Variants in WNT2B observed in about 807,000 individuals in gnomAD.
The protein encoded by WNT2B is Wnt family member 2B.
WNT2B carries 19 observed loss-of-function variants against 40.5 expected under a neutral mutation model. That is an observed-to-expected ratio of 0.47 (90% CI 0.33 to 0.69). The LOEUF is 0.69. WNT2B is among the 30% of genes least tolerant of loss of function. The pLI is 0.02. For synonymous variants in WNT2B, 220 were observed against 211.9 expected, an observed-to-expected ratio of 1.04 and a Z score of -0.33; for missense variants, 467 against 556.4, an observed-to-expected ratio of 0.84 and a Z score of 1.62.
intron 1 of WNT2B, among the ~76,000 whole-genome samples, chr1:112,472,426 T>A (rs1289751908): frequency 1.3e-5 from 2 of 152,156 alleles, no homozygotes; most frequent in East Asian, 1.9e-4. Flanking sequence ...GTAGTTTCTG[T>A]TCTCATTAGC....
In WNT2B at chr1:112,509,425, C is replaced by A. The variant is rs778460573; in HGVS notation, c.163C>A (p.Arg55Ser). The change falls in exon 1 of 5, where the codon CGC (arginine) becomes AGC (serine). Residue 55 changes from arginine to serine, a missense_variant. Physicochemically the swap from Arg to Ser is moderately radical, Grantham distance 110. Transcript: ENST00000369684. This position sits in a 1 kb window ranked among gnomAD's most constrained non-coding sequence, Gnocchi z 4.2. ...LLLLLLTLPA[R>S]VDTSWWYIGA... The stretch of plus-strand genomic sequence containing the variant: ...CCTGCTGCTGCTGACGCTGCCGGCC[C>A]GCGTAGACACGTCCTGGTGGTAAGT... The A allele has an allele frequency of 6.3e-7, 1 of 1,591,738 alleles. No homozygotes were observed. The highest frequency in any genetic ancestry group is 1.1e-5 in the South Asian group (1 of 89,764).
At chr1:112,477,354 C>CA (rs1651083582) in intron 1 of WNT2B, among the ~76,000 whole-genome samples, 1 of 152,194 alleles carries the variant, frequency 6.6e-6, no homozygotes, top group African/African-American at 2.4e-5. Context: ...ACACCCAACT[C>CA]AGACAGCATC....
Position 112,509,274 on chromosome 1 carries a change from G to C in WNT2B, c.12G>C (p.Pro4=), listed in dbSNP as rs1373477882. The change falls in exon 1 of 5, where the codon CCG becomes CCC. Residue 4 remains proline, a synonymous_variant. Transcript: ENST00000369684. This position sits in a 1 kb window ranked among gnomAD's most constrained non-coding sequence, Gnocchi z 4.2. MLR[P]GGAEEAAQLP... is the part of the protein sequence containing the mutation. ...GTCTTCGGGGAGCTATGCTGAGACC[G>C]GGTGGTGCGGAGGAAGCTGCGCAGC... 6 of 1,533,886 alleles carry C rather than the reference G, an allele frequency of 3.9e-6. No individual in the cohort carries two copies. In the African/African-American group the frequency reaches 4.2e-5, roughly 11 times the overall value.
At position 112,520,304 on chromosome 1, in the gene WNT2B, T is replaced by C; in HGVS notation, c.971T>C (p.Val324Ala). The change falls in exon 5 of 5, where the codon GTC (valine) becomes GCC (alanine). Residue 324 changes from valine (V) to alanine (A), a missense_variant. By Grantham distance (64) the Val-to-Ala change is moderately conservative (BLOSUM62 0). Coordinates refer to ENST00000369684, the MANE Select transcript of WNT2B (RefSeq NM_024494.3). ...AAGSLGTAGR[V>A]CSKTSKGTDG... The stretch of plus-strand genomic sequence containing the variant: ...GGTTCCCTAGGCACTGCAGGCCGTG[T>C]CTGCAGCAAGACATCAAAAGGAACA... 2 of 1,614,164 alleles carry C rather than the reference T, an allele frequency of 1.2e-6. No individual in the cohort carries two copies. Among genetic ancestry groups the C allele is most frequent in the South Asian group, 2.2e-5 (2 of 91,066 alleles).
chr1:112,490,976 T>A (rs754275874), intron 1 of WNT2B: 1 of 1,597,656 alleles, frequency 6.3e-7, no homozygotes, highest in Non-Finnish European at 8.6e-7. Context: ...GCATTTATTA[T>A]GTTAAATTGC....
At chr1:112,495,359 G>A (rs1021892257) in intron 1 of WNT2B, among the ~76,000 whole-genome samples, 7 of 151,952 alleles carry the variant, frequency 4.6e-5, no homozygotes, top group African/African-American at 1.7e-4. Context: ...GGCAGATCAC[G>A]AGGTCAGGAG....
chr1:112,484,810 A>T (rs1651364479), intron 1 of WNT2B, among the ~76,000 whole-genome samples: 1 of 152,142 alleles, frequency 6.6e-6, no homozygotes, highest in Non-Finnish European at 1.5e-5. Flanking sequence ...AATACTATTT[A>T]TAATAGCATC....
chr1:112,472,176 T>A (rs1650900925), intron 1 of WNT2B, among the ~76,000 whole-genome samples: 1 of 152,168 alleles, frequency 6.6e-6, no homozygotes, highest in Admixed American at 6.5e-5. Context: ...GAAGGAGAAT[T>A]CCAGGCATGG....
chr1:112,521,407 T>C lies in WNT2B; in HGVS notation c.*898T>C, dbSNP rs1652874755. On this transcript the variant is annotated 3_prime_UTR_variant, in exon 5 of 5. Coordinates refer to ENST00000369684, the MANE Select transcript of WNT2B (RefSeq NM_024494.3). ...GGGGAGACATGGAGTAAAAGAAAGA[T>C]AGGCAACTCATGGATGGTGGGAGAG... The C allele has an allele frequency of 6.7e-6, 1 of 149,130 alleles. No individual in the cohort carries two copies. The highest frequency in any genetic ancestry group is 1.5e-5 in the Non-Finnish European group (1 of 67,680). 9.2% of individuals were successfully genotyped at this position (149,130 alleles called of 1,614,324 possible).
rs1323062193 is a variant in WNT2B, at chr1:112,522,405, G to C, written c.*1896G>C. ...TTCACCAAAGCCCCTGGCTGGTCTA[G>C]CCCATCATGACTTCTCTAGGAACAG... On this transcript the variant is annotated 3_prime_UTR_variant, in exon 5 of 5. Transcript: ENST00000369684. 6.6e-6 allele frequency: 1 copy of C among 152,108 alleles called. No homozygotes were observed. The highest frequency in any genetic ancestry group is 2.4e-5 in the African/African-American group (1 of 41,436). The allele number at this position is 152,108 out of a possible 1,614,324, so 9.4% of individuals were successfully genotyped here. A position where few individuals can be genotyped will look rare whatever the true frequency, so the allele number is the denominator to read the frequency against.
intron 1 of WNT2B, among the ~76,000 whole-genome samples, chr1:112,480,270 G>A (rs1651184523): frequency 6.6e-6 from 1 of 150,982 alleles, no homozygotes; most frequent in African/African-American, 2.4e-5. Context: ...GGGAGGCTGA[G>A]GCAGGAGAAT....
rs753409857 is a variant in WNT2B at position 112,524,306 on chromosome 1, T to C, written c.*3797T>C. The C allele has an allele frequency of 2.6e-5, 4 of 152,706 alleles. No individual in the cohort carries two copies. The highest frequency in any genetic ancestry group is 6.5e-5 in the Admixed American group (1 of 15,294). 9.5% of individuals were successfully genotyped at this position (152,706 alleles called of 1,614,324 possible). A position where few individuals can be genotyped will look rare whatever the true frequency, so the allele number is the denominator to read the frequency against. ...TTTATTTAAATGCACTCAGTGGTCA[T>C]AGGGCAGAAGCTCAAGCTAGCTGGG... On this transcript the variant is annotated 3_prime_UTR_variant, in exon 5 of 5. Coordinates refer to ENST00000369684, the MANE Select transcript of WNT2B (RefSeq NM_024494.3).
intron 1 of WNT2B, among the ~76,000 whole-genome samples, chr1:112,497,332 G>C (rs1398281398): frequency 6.6e-6 from 1 of 152,196 alleles, no homozygotes; most frequent in Non-Finnish European, 1.5e-5. Flanking sequence ...TTCAAATCTA[G>C]ATGGAGGTAG....
At chr1:112,514,158 C>A (rs1652445253) in intron 1 of WNT2B, among the ~76,000 whole-genome samples, 1 of 152,094 alleles carries the variant, frequency 6.6e-6, no homozygotes, top group Non-Finnish European at 1.5e-5. Context: ...CCTTTGGCTT[C>A]CCACTGCAGA....
chr1:112,503,306 G>A (rs565112527), intron 1 of WNT2B, among the ~76,000 whole-genome samples: 1 of 152,286 alleles, frequency 6.6e-6, no homozygotes, highest in South Asian at 2.1e-4. Context: ...CACCAGTGGG[G>A]AAACTGAGGC....
rs142694982 is a variant in WNT2B, at chr1:112,509,684, C to T, written c.182+240C>T. On this transcript the variant is annotated intron_variant, in intron 1 of 4. Transcript: ENST00000369684. The surrounding 1 kb of genome is among the most constrained non-coding windows in gnomAD (Gnocchi z 4.2). ...CAAGGATGCCCGGTGGTCGCGGCTC[C>T]TTAGGCCTCCACGTGCTGTACCCCC... Among the ~76,000 whole-genome samples the T allele has an allele frequency of 0.012, 1,769 of 152,284 alleles. 38 individuals carry two copies. Among genetic ancestry groups the T allele is most frequent in the African/African-American group, 0.04 (1,651 of 41,554 alleles).
intron 1 of WNT2B, among the ~76,000 whole-genome samples, chr1:112,493,715 G>T (rs907842440): frequency 1.3e-5 from 2 of 152,000 alleles, no homozygotes; most frequent in Non-Finnish European, 2.9e-5. Flanking sequence ...ACTATAAAAG[G>T]TATAACATGT....
rs546316404 is a variant in WNT2B at position 112,522,495 on chromosome 1, C to T, written c.*1986C>T. 1.3e-5 allele frequency: 2 copies of T among 152,350 alleles called. No homozygotes were observed. The highest frequency in any genetic ancestry group is 6.5e-5 in the Admixed American group (1 of 15,308). The allele number at this position is 152,350 out of a possible 1,614,324, so 9.4% of individuals were successfully genotyped here. On this transcript the variant is annotated 3_prime_UTR_variant, in exon 5 of 5. Transcript: ENST00000369684. Reference sequence around the variant, plus strand: ...GATTAAGGAGCCTGCATAAAGAATTCTGGATACAGGCCCCTGTCTTTCCAA... The same window carrying T: ...GATTAAGGAGCCTGCATAAAGAATTTTGGATACAGGCCCCTGTCTTTCCAA...
In WNT2B at chr1:112,516,363, G is replaced by T. The variant is rs1329807625; in HGVS notation, c.627G>T (p.Arg209Ser). 4 of 1,613,952 alleles carry T rather than the reference G, an allele frequency of 2.5e-6. No individual in the cohort carries two copies. Among genetic ancestry groups the T allele is most frequent in the East Asian group, 2.2e-5 (1 of 44,844 alleles). The change falls in exon 3 of 5, where the codon AGG becomes AGT. Residue 209 changes from arginine to serine, a missense_variant. Transcript: ENST00000369684. ...AKAFVDAKEK[R>S]LKDARALMNL... The stretch of plus-strand genomic sequence containing the variant: ...CCTTCGTGGATGCCAAGGAGAAGAG[G>T]CTTAAGGATGCCCGGGCCCTCATGA...
Sources: gnomAD v4.1 joint callset for allele counts (sites outside exome capture counted in the v4.1 genomes callset) on GRCh38, gnomAD v4.1.1 for gene constraint, Gnocchi (gnomAD v3.1) non-coding constraint, MANE v1.5 for transcripts, NCBI Gene and HGNC (gene_info 2026-07-23, HGNC 2026-07-21) for gene names.